The following HMCN1 variants were observed in gnomAD, a reference collection of about 807,000 sequenced individuals.
HMCN1 encodes the protein hemicentin-1.
HMCN1 carries 321 observed loss-of-function variants against 625.9 expected under a neutral mutation model. The observed-to-expected ratio is 0.51, with a 90% CI of 0.47 to 0.56. The LOEUF is 0.56. Among genes scored for constraint, HMCN1 ranks in the 20% least tolerant of loss-of-function variants. The probability of loss-of-function intolerance (pLI) is 0.00; values close to 1 mark genes in which losing one functional copy is unlikely to be tolerated. For missense variants in HMCN1, 6,588 were observed against 6,887.3 expected, an observed-to-expected ratio of 0.96 and a Z score of 1.54; for synonymous variants, 2,425 against 2,417.6, an observed-to-expected ratio of 1.00 and a Z score of -0.09.
chr1:185,963,955 A>C, intron 13 of HMCN1, 60 bp downstream of exon 13: 1 of 1,475,428 alleles, frequency 6.8e-7, no homozygotes, highest in Non-Finnish European at 9.5e-7. Flanking sequence ...CAAGCAATGC[A>C]AAAGTACTTT....
intron 53 of HMCN1, among the ~76,000 whole-genome samples, chr1:186,075,986 G>C (rs888761748): frequency 6.6e-6 from 1 of 152,078 alleles, no homozygotes; most frequent in Non-Finnish European, 1.5e-5. Flanking sequence ...TATTATTTTT[G>C]TTAATGGAAT....
At chr1:185,784,541 T>G (rs1008364416) in intron 1 of HMCN1, among the ~76,000 whole-genome samples, 2 of 152,030 alleles carry the variant, frequency 1.3e-5, no homozygotes, top group Admixed American at 6.6e-5. Context: ...TGCTGGAAAT[T>G]AAGTGGGTTG....
At chr1:185,977,118 T>A (rs2101987926) in intron 15 of HMCN1, among the ~76,000 whole-genome samples, 1 of 152,262 alleles carries the variant, frequency 6.6e-6, no homozygotes, top group South Asian at 2.1e-4. Context: ...TCTATAATTT[T>A]TATAGTTTCT....
chr1:186,036,103 C>G (rs1016627438), intron 36 of HMCN1, among the ~76,000 whole-genome samples: 4 of 151,948 alleles, frequency 2.6e-5, no homozygotes, highest in Non-Finnish European at 4.4e-5. Flanking sequence ...ATAATTTTTG[C>G]TTTGTATAGT....
Position 185,921,409 on chromosome 1 carries a change from G to A in HMCN1, c.901-970G>A, listed in dbSNP as rs140786893. ...GTTGCAGTGATTCAGGGAATATTGC[G>A]TAGTTTGCACAGCTCTGGAAGTGGC... On this transcript the variant is annotated intron_variant, in intron 6 of 106. Transcript: ENST00000271588. Among the ~76,000 whole-genome samples the A allele has an allele frequency of 4.1e-4, 62 of 152,228 alleles. No individual in the cohort carries two copies. In the East Asian group the frequency reaches 9.3e-3, roughly 23 times the overall value.
chr1:186,186,240 A>ACAAC (rs1653293937), intron 105 of HMCN1, among the ~76,000 whole-genome samples: 1 of 152,218 alleles, frequency 6.6e-6, no homozygotes, highest in Non-Finnish European at 1.5e-5. Flanking sequence ...TGTCCCCATG[A>ACAAC]CAACCAACCC....
intron 36 of HMCN1, among the ~76,000 whole-genome samples, chr1:186,025,680 C>A (rs1256845256): frequency 6.6e-6 from 1 of 152,108 alleles, no homozygotes; most frequent in East Asian, 1.9e-4. Context: ...AATATTATAG[C>A]AAAATGTTGG....
intron 6 of HMCN1, among the ~76,000 whole-genome samples, chr1:185,915,639 T>C (rs1666659598): frequency 6.6e-6 from 1 of 152,050 alleles, no homozygotes; most frequent in African/African-American, 2.4e-5. Context: ...AGAAATATTT[T>C]GGTTTTGGAT....
At chr1:186,107,858 G>A (rs575817746) in intron 70 of HMCN1, among the ~76,000 whole-genome samples, 9 of 151,904 alleles carry the variant, frequency 5.9e-5, no homozygotes, top group Admixed American at 1.3e-4. Flanking sequence ...AGTTAGACTC[G>A]TCCAATATGC....
chr1:186,115,500 A>C, intron 75 of HMCN1, 86 bp downstream of exon 75: 1 of 1,230,262 alleles, frequency 8.1e-7, no homozygotes, highest in Non-Finnish European at 1.2e-6. Context: ...GGGTCAGCAA[A>C]TATATAGACT....
At position 186,131,502 on chromosome 1, in the gene HMCN1, CT is replaced by C. The variant is rs1661930996; in HGVS notation, c.13230+806del. On this transcript the variant is annotated intron_variant, in intron 85 of 106. Transcript: ENST00000271588. ...ATCATGCAATTTAAAATTCCTAAAA[CT>C]GTAGTATCTCCAATGCTGAAACTCT... Among the ~76,000 whole-genome samples the C allele has an allele frequency of 3.9e-5, 6 of 152,216 alleles. No homozygotes were observed. In the South Asian group the frequency reaches 1.2e-3, roughly 32 times the overall value.
intron 97 of HMCN1, among the ~76,000 whole-genome samples, chr1:186,154,766 T>A (rs1349063633): frequency 2.0e-5 from 3 of 152,194 alleles, no homozygotes; most frequent in African/African-American, 7.2e-5. Flanking sequence ...TCCTGGAAGT[T>A]ATAATTTTTT....
rs146897889 is a variant in HMCN1, at chr1:186,028,947, G to A, written c.5749+5794G>A. ...TCACTATGTTGCCCAGGCTGATCTC[G>A]AACTCCTCACCTCGTGATCCGTGAT... On this transcript the variant is annotated intron_variant, in intron 36 of 106. Transcript: ENST00000271588. 1.7e-4 allele frequency among the ~76,000 whole-genome samples: 26 copies of A among 151,488 alleles called. No individual in the cohort carries two copies. In the East Asian group the frequency reaches 4.9e-3, roughly 28 times the overall value.
intron 2 of HMCN1, among the ~76,000 whole-genome samples, chr1:185,864,010 T>C (rs914813589): frequency 6.6e-6 from 1 of 152,174 alleles, no homozygotes; most frequent in African/African-American, 2.4e-5. Flanking sequence ...TAGCCATGAG[T>C]GCAAGCAAGT....
intron 77 of HMCN1, among the ~76,000 whole-genome samples, chr1:186,118,623 G>T (rs1169034347): frequency 1.3e-5 from 2 of 152,092 alleles, no homozygotes; most frequent in Non-Finnish European, 2.9e-5. Flanking sequence ...GCTGATAAAT[G>T]GATAAATAAA....
chr1:185,925,985 A>G (rs1387667007), intron 9 of HMCN1, among the ~76,000 whole-genome samples: 5 of 152,210 alleles, frequency 3.3e-5, no homozygotes, highest in Non-Finnish European at 4.4e-5. Context: ...GCACCTGCAT[A>G]TAACAATCAG....
intron 9 of HMCN1, among the ~76,000 whole-genome samples, chr1:185,926,908 A>G (rs1667306188): frequency 6.6e-6 from 1 of 152,162 alleles, no homozygotes; most frequent in Non-Finnish European, 1.5e-5. Flanking sequence ...AACTTTTTTA[A>G]TTATGTCCAC....
chr1:185,995,405 T>C (rs531273115), intron 24 of HMCN1, among the ~76,000 whole-genome samples: 9 of 152,220 alleles, frequency 5.9e-5, no homozygotes, highest in African/African-American at 2.2e-4. Flanking sequence ...TTGGAGTAGG[T>C]TGTCACCTCA....
intron 43 of HMCN1, 89 bp from the exon 44 acceptor site, chr1:186,053,736 G>A (rs1657122934): frequency 7.4e-7 from 1 of 1,347,732 alleles, no homozygotes; most frequent in Non-Finnish European, 1.1e-6. Flanking sequence ...TTATATACTT[G>A]AACTGAATAA....
Sources: gnomAD v4.1 joint callset for allele counts (sites outside exome capture counted in the v4.1 genomes callset) on GRCh38, gnomAD v4.1.1 for gene constraint, MANE v1.5 for transcripts, NCBI Gene and HGNC (gene_info 2026-07-23, HGNC 2026-07-21) for gene names.